Variants in XPC observed in about 807,000 individuals in gnomAD.
XPC encodes the protein XPC complex subunit, DNA damage recognition and repair factor, also known as DNA repair protein complementing XP-C cells.
In XPC, 76 loss-of-function variants were observed where a neutral mutation model predicts 95.8. That is an observed-to-expected ratio of 0.79 (90% CI 0.66 to 0.96). The LOEUF (loss-of-function observed/expected upper bound fraction) is 0.96, where lower values mean the gene tolerates loss of function less well. Among genes scored for constraint, XPC ranks in the 40% least tolerant of loss-of-function variants. The pLI, the probability that XPC is intolerant of heterozygous loss-of-function variation, is 0.00. For missense variants in XPC, 1,146 were observed against 1,179.8 expected (o/e 0.97, Z 0.42); for synonymous variants, 442 against 442.1 (o/e 1.00, Z 0.00).
intron 10 of XPC, 57 bp from the exon 11 acceptor site, chr3:14,152,473 T>C: frequency 6.6e-7 from 1 of 1,522,512 alleles, no homozygotes; most frequent in Non-Finnish European, 8.9e-7. Context: ...ACTGCGGGAA[T>C]GCGGGACAGT....
chr3:14,159,523 C>T (rs1402384667), intron 8 of XPC, among the ~76,000 whole-genome samples: 2 of 152,118 alleles, frequency 1.3e-5, no homozygotes, highest in East Asian at 1.9e-4. Context: ...AGCACTGGGC[C>T]GAGGCCTCTC....
chr3:14,159,278 C>G (rs936489169), intron 8 of XPC, among the ~76,000 whole-genome samples: 1 of 152,116 alleles, frequency 6.6e-6, no homozygotes, highest in East Asian at 1.9e-4. Flanking sequence ...ACGCATTTTG[C>G]AAACAAATAC....
intron 8 of XPC, 138 bp downstream of exon 8, chr3:14,159,603 A>G (rs980058369): frequency 2.2e-5 from 19 of 849,642 alleles, no homozygotes; most frequent in Non-Finnish European, 1.9e-6. Flanking sequence ...CTTCCCTAAC[A>G]CAGGGTATGT....
intron 7 of XPC, among the ~76,000 whole-genome samples, chr3:14,161,296 C>T (rs1361984880): frequency 1.3e-5 from 2 of 152,158 alleles, no homozygotes; most frequent in African/African-American, 2.4e-5. Context: ...CCAACTCTTT[C>T]AAACGTTAGA....
intron 11 of XPC, 71 bp from the exon 12 acceptor site, chr3:14,149,019 G>A: frequency 1.3e-6 from 2 of 1,590,428 alleles, no homozygotes; most frequent in Non-Finnish European, 1.7e-6. Flanking sequence ...CAGGCACCAT[G>A]CTCAGTGCCG....
chr3:14,165,279 TG>T, intron 6 of XPC, 148 bp downstream of exon 6: 1 of 1,103,666 alleles, frequency 9.1e-7, no homozygotes, highest in Non-Finnish European at 1.3e-6. Context: ...AGATCATACC[TG>T]GCATTTCTCT....
At position 14,148,847 on chromosome 3, in the gene XPC, C is replaced by T. The variant is rs773883365; in HGVS notation, c.2217G>A (p.Glu739=). Reference sequence around the variant, plus strand: ...CCACGGCCACTGGGGGCTGATACTCCTCTGTCTGCCAGTAGCCAAACAGGC... The same window carrying T: ...CCACGGCCACTGGGGGCTGATACTCTTCTGTCTGCCAGTAGCCAAACAGGC... ...DLGLFGYWQT[E]EYQPPVAVDG... The change falls in exon 12 of 16, where the codon GAG becomes GAA. Residue 739 remains glutamate (E), a synonymous_variant. Transcript: ENST00000285021. The T allele has an allele frequency of 1.2e-6, 2 of 1,614,042 alleles. No individual in the cohort carries two copies. Among genetic ancestry groups the T allele is most frequent in the South Asian group, 2.2e-5 (2 of 91,082 alleles).
At chr3:14,176,682 G>A (rs964224217) in intron 1 of XPC, among the ~76,000 whole-genome samples, 2 of 152,322 alleles carry the variant, frequency 1.3e-5, no homozygotes, top group Non-Finnish European at 2.9e-5. Context: ...AATGGATGAT[G>A]AATTTATAAC....
rs200970593 is a variant in XPC, at chr3:14,148,965, G to A, written c.2116-17C>T. 33 of 1,613,746 alleles carry A rather than the reference G, an allele frequency of 2.0e-5. No homozygotes were observed. The highest frequency in any genetic ancestry group is 1.7e-4 in the Middle Eastern group (1 of 6,058). ...TTTCACCATCTGCACCAGAGGACACGGCCACCGTTTACAACAAAGGCATCC... is the reference window on the plus strand; with the variant it reads ...TTTCACCATCTGCACCAGAGGACACAGCCACCGTTTACAACAAAGGCATCC... On this transcript the variant is annotated splice_polypyrimidine_tract_variant and intron_variant, in intron 11 of 15. Transcript: ENST00000285021.
intron 11 of XPC, among the ~76,000 whole-genome samples, chr3:14,150,843 G>A (rs1013278495): frequency 3.9e-5 from 6 of 152,212 alleles, no homozygotes; most frequent in Non-Finnish European, 8.8e-5. Context: ...ACAGAGGTGG[G>A]AGAACACTGG....
intron 7 of XPC, among the ~76,000 whole-genome samples, chr3:14,161,571 GATC>G (rs1034072957): frequency 6.7e-6 from 1 of 148,900 alleles, no homozygotes; most frequent in Non-Finnish European, 1.5e-5. Flanking sequence ...AAATCCAGAG[GATC>G]ATTTCAACTG....
intron 4 of XPC, 135 bp from the exon 5 acceptor site, chr3:14,167,388 G>T: frequency 1.4e-6 from 1 of 740,104 alleles, no homozygotes; most frequent in Non-Finnish European, 2.1e-6. Context: ...TGCTACTCAA[G>T]TCCGTCTGCA....
intron 11 of XPC, 117 bp from the exon 12 acceptor site, chr3:14,149,065 T>G: frequency 1.4e-6 from 2 of 1,405,048 alleles, no homozygotes; most frequent in Non-Finnish European, 1.9e-6. Context: ...AGAACACACC[T>G]ACCAGCTGGG....
rs1695550898 is a variant in XPC at position 14,148,677 on chromosome 3, T to C, written c.2305A>G (p.Ile769Val). ...GGCAGGTTCAGCTGGACACAGCCAATAGGCATCATGCTGGGCAGGAAGAGG... is the reference window on the plus strand; with the variant it reads ...GGCAGGTTCAGCTGGACACAGCCAACAGGCATCATGCTGGGCAGGAAGAGG... ...VYLFLPSMMP[I>V]GCVQLNLPNL... The change falls in exon 13 of 16, where the codon ATT becomes GTT. Residue 769 changes from isoleucine (I) to valine (V), a missense_variant. Coordinates refer to ENST00000285021, the MANE Select transcript of XPC (RefSeq NM_004628.5). 1.9e-6 allele frequency: 3 copies of C among 1,613,942 alleles called. No homozygotes were observed. The highest frequency in any genetic ancestry group is 1.1e-5 in the South Asian group (1 of 91,080).
intron 7 of XPC, among the ~76,000 whole-genome samples, chr3:14,163,972 C>T (rs942716141): frequency 6.6e-6 from 1 of 152,164 alleles, no homozygotes; most frequent in Non-Finnish European, 1.5e-5. Context: ...TCACTTGAAC[C>T]CAGGAGGTGG....
In XPC at chr3:14,160,011, C is replaced by T. The variant is rs145385191; in HGVS notation, c.901-181G>A. Reference sequence around the variant, plus strand: ...AAACGATGATGCAGAAGTTTATCTTCGTAGAAGAACAGGAACATGCTCATC... The same window carrying T: ...AAACGATGATGCAGAAGTTTATCTTTGTAGAAGAACAGGAACATGCTCATC... On this transcript the variant is annotated intron_variant, in intron 7 of 15. Transcript: ENST00000285021. 3,896 of 542,882 alleles carry T rather than the reference C, an allele frequency of 7.2e-3. 26 individuals carry two copies. The highest frequency in any genetic ancestry group is 0.012 in the Middle Eastern group (26 of 2,132). The allele number at this position is 542,882 out of a possible 1,614,324, so 33.6% of individuals were successfully genotyped here.
rs199872655 is a variant in XPC, at chr3:14,149,090, T to C, written c.2116-142A>G. 5.1e-5 allele frequency: 16 copies of C among 316,142 alleles called. No homozygotes were observed. The South Asian group carries it at 6.6e-4, about 13-fold the overall frequency. The allele number at this position is 316,142 out of a possible 1,614,324, so 19.6% of individuals were successfully genotyped here. ...TACCAGCTGGGGTGCTTTTTCTCCC[T>C]TTTTTTTTTTTGAGACAGAGTCTCG... On this transcript the variant is annotated intron_variant, in intron 11 of 15. Coordinates refer to ENST00000285021, the MANE Select transcript of XPC (RefSeq NM_004628.5).
intron 4 of XPC, among the ~76,000 whole-genome samples, chr3:14,167,663 T>C (rs1696437620): frequency 6.6e-6 from 1 of 152,256 alleles, no homozygotes; most frequent in African/African-American, 2.4e-5. Flanking sequence ...AAATCTCTTT[T>C]TCAGTCTGTA....
intron 4 of XPC, 82 bp from the exon 5 acceptor site, chr3:14,167,335 G>A (rs541718357): frequency 2.1e-5 from 25 of 1,205,868 alleles, no homozygotes; most frequent in Middle Eastern, 1.9e-4. Context: ...CCTTCTCCTC[G>A]GATGACAGTG....
Sources: allele counts gnomAD v4.1 joint callset (sites outside exome capture counted in the v4.1 genomes callset), GRCh38; gene constraint gnomAD v4.1.1; transcripts MANE v1.5; gene names NCBI Gene and HGNC (gene_info 2026-07-23, HGNC 2026-07-21).